ARL5A: variants seen among roughly 807,000 people sequenced by gnomAD.
The protein encoded by ARL5A is ADP-ribosylation factor-like protein 5A.
A neutral mutation model predicts 25.9 loss-of-function variants in ARL5A; 18 were observed. The observed-to-expected ratio is 0.69, with a 90% confidence interval of 0.48 to 1.03. The LOEUF is 1.03. Among genes scored for constraint, ARL5A ranks in the 50% least tolerant of loss-of-function variants. The pLI is 0.00. For synonymous variants in ARL5A, 61 were observed against 67.5 expected (o/e 0.90, Z 0.47); for missense variants, 170 against 211.9 (o/e 0.80, Z 1.23).
intron 1 of ARL5A, among the ~76,000 whole-genome samples, chr2:151,824,245 G>A (rs2099832726): frequency 6.6e-6 from 1 of 152,192 alleles, no homozygotes; most frequent in African/African-American, 2.4e-5. Context: ...TTGCCAACCT[G>A]TAAACTAACA....
In ARL5A at chr2:151,800,066, C is replaced by T. The variant is rs1361115988; in HGVS notation, c.*3210G>A. The stretch of plus-strand genomic sequence containing the variant: ...ATACAACTGGGCAGTTGAGAGAAGA[C>T]TGGAGTTTGGAGATAACCGATGATG... On this transcript the variant is annotated 3_prime_UTR_variant, in exon 6 of 6. Coordinates refer to ENST00000295087, the MANE Select transcript of ARL5A (RefSeq NM_012097.4). 2 of 152,192 alleles carry T rather than the reference C, an allele frequency of 1.3e-5. No homozygotes were observed. The highest frequency in any genetic ancestry group is 2.9e-5 in the Non-Finnish European group (2 of 68,044). The allele number at this position is 152,192 out of a possible 1,614,324, so 9.4% of individuals were successfully genotyped here. A position where few individuals can be genotyped will look rare whatever the true frequency, so the allele number is the denominator to read the frequency against.
In ARL5A at chr2:151,799,426, T is replaced by G. The variant is rs931410944; in HGVS notation, c.*3850A>C. 2 of 152,316 alleles carry G rather than the reference T, an allele frequency of 1.3e-5. No homozygotes were observed. Among genetic ancestry groups the G allele is most frequent in the African/African-American group, 4.8e-5 (2 of 41,576 alleles). The allele number at this position is 152,316 out of a possible 1,614,324, so 9.4% of individuals were successfully genotyped here. Reference sequence around the variant, plus strand: ...ATTATAGACTACATATAAATTTGGTTTGGCATCTTTTTCCAAATCAAACTG... The same window carrying G: ...ATTATAGACTACATATAAATTTGGTGTGGCATCTTTTTCCAAATCAAACTG... On this transcript the variant is annotated 3_prime_UTR_variant, in exon 6 of 6. Transcript: ENST00000295087.
intron 5 of ARL5A, among the ~76,000 whole-genome samples, chr2:151,805,670 T>C (rs1264587786): frequency 6.6e-6 from 1 of 152,160 alleles, no homozygotes; most frequent in Non-Finnish European, 1.5e-5. Context: ...TACAGCATGT[T>C]ACTGTACTAA....
At position 151,815,159 on chromosome 2, in the gene ARL5A, T is replaced by C. The variant is rs1304412616; in HGVS notation, c.87A>G (p.Lys29=). Reference sequence around the variant, plus strand: ...CTTACAATTGGTAAAGAATGGTAGTTTTCCCTGCATTATCCAGCCCAACAA... The same window carrying C: ...CTTACAATTGGTAAAGAATGGTAGTCTTCCCTGCATTATCCAGCCCAACAA... ...VIIVGLDNAG[K]TTILYQFSMN... Residue 29 remains lysine, a synonymous_variant, in exon 2 of 6, where the codon AAA becomes AAG. Transcript: ENST00000295087. 2 of 1,607,206 alleles carry C rather than the reference T, an allele frequency of 1.2e-6. No homozygotes were observed. Among genetic ancestry groups the C allele is most frequent in the Admixed American group, 1.7e-5 (1 of 59,642 alleles).
intron 1 of ARL5A, among the ~76,000 whole-genome samples, chr2:151,817,579 T>C (rs2099831688): frequency 6.6e-6 from 1 of 152,220 alleles, no homozygotes; most frequent in African/African-American, 2.4e-5. Flanking sequence ...AAATAAAACA[T>C]TTTAATACAA....
chr2:151,811,011 A>G (rs2099830764), intron 4 of ARL5A, among the ~76,000 whole-genome samples: 1 of 152,182 alleles, frequency 6.6e-6, no homozygotes, highest in Non-Finnish European at 1.5e-5. Context: ...TTGTATCCCA[A>G]CTAGCAATGA....
At chr2:151,807,794 G>A (rs957971121) in intron 4 of ARL5A, among the ~76,000 whole-genome samples, 1 of 152,094 alleles carries the variant, frequency 6.6e-6, no homozygotes, top group African/African-American at 2.4e-5. Context: ...TCAATGCTAT[G>A]ACTCAGAGGC....
chr2:151,822,482 A>C (rs1174963058), intron 1 of ARL5A, among the ~76,000 whole-genome samples: 1 of 152,234 alleles, frequency 6.6e-6, no homozygotes. Context: ...ATTTCCTCTG[A>C]ACATCCTTAC....
chr2:151,817,065 T>C (rs191993098), intron 1 of ARL5A, among the ~76,000 whole-genome samples: 1 of 152,304 alleles, frequency 6.6e-6, no homozygotes, highest in Non-Finnish European at 1.5e-5. Context: ...AGGGCATCTA[T>C]AAACTAAAGT....
intron 1 of ARL5A, among the ~76,000 whole-genome samples, chr2:151,819,225 C>T (rs994143627): frequency 6.6e-6 from 1 of 152,114 alleles, no homozygotes; most frequent in Non-Finnish European, 1.5e-5. Context: ...TTACAAGGGC[C>T]GTAATCAGCT....
Position 151,798,903 on chromosome 2 carries a change from G to C in ARL5A, c.*4373C>G, listed in dbSNP as rs2099829044. 1 of 151,984 alleles carries C rather than the reference G, an allele frequency of 6.6e-6. No individual in the cohort carries two copies. 9.4% of individuals were successfully genotyped at this position (151,984 alleles called of 1,614,324 possible). On this transcript the variant is annotated 3_prime_UTR_variant, in exon 6 of 6. Transcript: ENST00000295087. Reference sequence around the variant, plus strand: ...TATGGGAATTTTCTACCAAAGAACAGGATATCTAGCAAGCAACAGCATAAA... The same window carrying C: ...TATGGGAATTTTCTACCAAAGAACACGATATCTAGCAAGCAACAGCATAAA...
chr2:151,801,878 G>A lies in ARL5A; in HGVS notation c.*1398C>T, dbSNP rs1430726969. 1 of 151,928 alleles carries A rather than the reference G, an allele frequency of 6.6e-6. No individual in the cohort carries two copies. The highest frequency in any genetic ancestry group is 6.6e-5 in the Admixed American group (1 of 15,248). The allele number at this position is 151,928 out of a possible 1,614,324, so 9.4% of individuals were successfully genotyped here. On this transcript the variant is annotated 3_prime_UTR_variant, in exon 6 of 6. Coordinates refer to ENST00000295087, the MANE Select transcript of ARL5A (RefSeq NM_012097.4). ...ACATAAATAGAGTACCCAAGAATAT[G>A]TTTTAACACATTTAGGATAAGTTTG...
chr2:151,815,471 C>T (rs2099831383), intron 1 of ARL5A, among the ~76,000 whole-genome samples: 1 of 152,204 alleles, frequency 6.6e-6, no homozygotes, highest in Non-Finnish European at 1.5e-5. Flanking sequence ...TTCCTCTATT[C>T]CTAGGCAAGC....
At chr2:151,804,672 A>C (rs2099829867) in intron 5 of ARL5A, among the ~76,000 whole-genome samples, 1 of 152,170 alleles carries the variant, frequency 6.6e-6, no homozygotes, top group South Asian at 2.1e-4. Flanking sequence ...ACCTAATAGC[A>C]AACTAGAAAC....
chr2:151,815,220 G>A (rs2099831336), intron 1 of ARL5A, 21 bp from the exon 2 acceptor site: 1 of 1,568,606 alleles, frequency 6.4e-7, no homozygotes, highest in Non-Finnish European at 8.6e-7. Context: ...GAAAACACCA[G>A]TGATTTTTTT....
chr2:151,815,079 A>G, intron 2 of ARL5A, 60 bp downstream of exon 2: 1 of 1,303,496 alleles, frequency 7.7e-7, no homozygotes, highest in Non-Finnish European at 1.1e-6. Context: ...TTGATCGACT[A>G]TCACCCAGGC....
intron 4 of ARL5A, among the ~76,000 whole-genome samples, chr2:151,811,382 A>G (rs2099830818): frequency 6.6e-6 from 1 of 152,094 alleles, no homozygotes; most frequent in African/African-American, 2.4e-5. Flanking sequence ...CCTATCTATA[A>G]ATGAGTTGAG....
chr2:151,827,800 C>T, intron 1 of ARL5A: 1 of 352,818 alleles, frequency 2.8e-6, no homozygotes, highest in Non-Finnish European at 5.1e-6. Flanking sequence ...AAAGAAAGGG[C>T]TGAAAGACAG....
At chr2:151,816,328 C>T (rs1230487258) in intron 1 of ARL5A, among the ~76,000 whole-genome samples, 1 of 152,186 alleles carries the variant, frequency 6.6e-6, no homozygotes, top group Non-Finnish European at 1.5e-5. Context: ...CCATCTTGGA[C>T]GTGCAGCCTG....
Sources: gnomAD v4.1 joint callset for allele counts (sites outside exome capture counted in the v4.1 genomes callset) on GRCh38, gnomAD v4.1.1 for gene constraint, MANE v1.5 for transcripts, NCBI Gene and HGNC (gene_info 2026-07-23, HGNC 2026-07-21) for gene names.